Variants in GABRA3 observed in about 807,000 individuals in gnomAD.
The protein encoded by GABRA3 is gamma-aminobutyric acid receptor subunit alpha-3.
A neutral mutation model predicts 30.1 loss-of-function variants in GABRA3; 10 were observed. The observed-to-expected ratio is 0.33, with a 90% CI of 0.20 to 0.56. The LOEUF is 0.56. Among genes scored for constraint, GABRA3 ranks in the 20% least tolerant of loss-of-function variants. The pLI is 0.89. For synonymous variants in GABRA3, 151 were observed against 146.8 expected, an observed-to-expected ratio of 1.03 and a Z score of -0.21; for missense variants, 233 against 392.0, an observed-to-expected ratio of 0.59 and a Z score of 3.42.
chrX:152,206,064 G>A (rs1254307493), intron 7 of GABRA3, among the ~76,000 whole-genome samples: 2 of 112,947 alleles, frequency 1.8e-5, no homozygotes, highest in East Asian at 2.8e-4. Context: ...GTCTGATTGG[G>A]CAGCCAAGGA....
chrX:152,443,352 G>T (rs1930983052), intron 1 of GABRA3, among the ~76,000 whole-genome samples: 1 of 112,121 alleles, frequency 8.9e-6, no homozygotes, highest in Non-Finnish European at 1.9e-5. Flanking sequence ...GGCCAGCACT[G>T]TCATGGGTGT....
intron 3 of GABRA3, among the ~76,000 whole-genome samples, chrX:152,331,525 G>A (rs770607422): frequency 1.8e-5 from 2 of 111,940 alleles, no homozygotes; most frequent in Admixed American, 9.5e-5. Context: ...CCATGAAGGT[G>A]TTTGCCCAGG....
intron 3 of GABRA3, among the ~76,000 whole-genome samples, chrX:152,325,223 T>G (rs1042101120): frequency 8.9e-6 from 1 of 111,936 alleles, no homozygotes; most frequent in African/African-American, 3.2e-5. Context: ...AGACTACATA[T>G]GAAAACTGTT....
intron 5 of GABRA3, among the ~76,000 whole-genome samples, chrX:152,254,751 G>C (rs1938610628): frequency 9.0e-6 from 1 of 111,407 alleles, no homozygotes; most frequent in Non-Finnish European, 1.9e-5. Context: ...CTATTTACCA[G>C]GCATGCATTA....
At chrX:152,388,189 A>C (rs1183213729) in intron 1 of GABRA3, among the ~76,000 whole-genome samples, 1 of 111,623 alleles carries the variant, frequency 9.0e-6, no homozygotes. Context: ...TATAACCCAG[A>C]AATATAAGTT....
At chrX:152,381,091 C>T (rs1241147542) in intron 1 of GABRA3, among the ~76,000 whole-genome samples, 4 of 111,657 alleles carry the variant, frequency 3.6e-5, no homozygotes, top group Non-Finnish European at 7.5e-5. Flanking sequence ...GCCGGCTTCC[C>T]CTTTGACTTT....
chrX:152,327,250 T>C (rs1401307388), intron 3 of GABRA3, among the ~76,000 whole-genome samples: 1 of 110,669 alleles, frequency 9.0e-6, no homozygotes, highest in Non-Finnish European at 1.9e-5. Flanking sequence ...ACAATAATAA[T>C]GGGAGACTTT....
Position 152,195,448 on chromosome X carries a change from A to G in GABRA3, c.931+2185T>C, listed in dbSNP as rs1349918422. Among the ~76,000 whole-genome samples the G allele has an allele frequency of 1.1e-4, 12 of 112,056 alleles. No homozygotes were observed. In the South Asian group the frequency reaches 4.4e-3, roughly 41 times the overall value. ...ATCAAAAATTTAGTTGCCTAAAACA[A>G]TTAAATGCCTTCTTACAATTCTTGA... On this transcript the variant is annotated intron_variant, in intron 8 of 9. Coordinates refer to ENST00000370314, the MANE Select transcript of GABRA3 (RefSeq NM_000808.4).
intron 7 of GABRA3, among the ~76,000 whole-genome samples, chrX:152,205,431 G>A (rs1476868545): frequency 8.9e-6 from 1 of 111,947 alleles, no homozygotes; most frequent in Non-Finnish European, 1.9e-5. Context: ...TCTTTACAGT[G>A]TTGTTTATAG....
intron 4 of GABRA3, among the ~76,000 whole-genome samples, chrX:152,268,298 T>C (rs1027196893): frequency 1.4e-4 from 16 of 111,837 alleles, no homozygotes; most frequent in African/African-American, 5.2e-4. Flanking sequence ...AGGGACCCGG[T>C]AGAAGGTAAT....
intron 3 of GABRA3, among the ~76,000 whole-genome samples, chrX:152,323,983 T>C (rs1940012303): frequency 8.9e-6 from 1 of 112,406 alleles, no homozygotes; most frequent in Non-Finnish European, 1.9e-5. Flanking sequence ...AAACACTATG[T>C]CTTATCCAAC....
intron 5 of GABRA3, among the ~76,000 whole-genome samples, chrX:152,238,563 G>T (rs1938281375): frequency 9.3e-6 from 1 of 107,715 alleles, no homozygotes; most frequent in Non-Finnish European, 1.9e-5. Context: ...GTTTCAGAAG[G>T]AATGGTACCA....
Position 152,255,809 on chromosome X carries a change from C to A in GABRA3, c.520G>T (p.Val174Leu). The A allele has an allele frequency of 8.3e-7, 1 of 1,211,235 alleles. No homozygotes were observed. The highest frequency in any genetic ancestry group is 1.1e-6 in the Non-Finnish European group (1 of 895,177). Residue 174 changes from valine (V) to leucine (L), a missense_variant, in exon 5 of 10, where the codon GTG becomes TTG. Coordinates refer to ENST00000370314, the MANE Select transcript of GABRA3 (RefSeq NM_000808.4). ...GTATAGAGGAGGGTTCCGTTGTCCA[C>A]CAATCTGAGCAGCTTGTTGGGCGTG... ...MTTPNKLLRLVDNGTLLYTMR... is the reference protein window; with the variant it reads ...MTTPNKLLRLLDNGTLLYTMR...
intron 1 of GABRA3, among the ~76,000 whole-genome samples, chrX:152,441,919 A>G (rs189004801): frequency 8.9e-6 from 1 of 111,934 alleles, no homozygotes; most frequent in Non-Finnish European, 1.9e-5. Flanking sequence ...AGCATCAGGA[A>G]TATCTCTTAA....
At chrX:152,363,932 G>A (rs183820449) in intron 2 of GABRA3, among the ~76,000 whole-genome samples, 4 of 111,443 alleles carry the variant, frequency 3.6e-5, no homozygotes, top group Admixed American at 9.6e-5. Flanking sequence ...TAGAGTCTGG[G>A]GTTGGAAGTC....
rs147782613 is a variant in GABRA3 at position 152,268,355 on chromosome X, A to G, written c.331-12357T>C. Among the ~76,000 whole-genome samples, 993 of 111,757 alleles carry G rather than the reference A, an allele frequency of 8.9e-3. 5 individuals are homozygous for G. The highest frequency in any genetic ancestry group is 0.028 in the Middle Eastern group (6 of 218). On this transcript the variant is annotated intron_variant, in intron 4 of 9. Coordinates refer to ENST00000370314, the MANE Select transcript of GABRA3 (RefSeq NM_000808.4). The stretch of plus-strand genomic sequence containing the variant: ...TCCCATGCTGTTCTCCTGATAGTGA[A>G]TAAGTTTCATGAGATAAGATGGTTT...
chrX:152,328,603 C>T (rs1168781329), intron 3 of GABRA3, among the ~76,000 whole-genome samples: 1 of 111,788 alleles, frequency 8.9e-6, no homozygotes, highest in Non-Finnish European at 1.9e-5. Context: ...AAAAACCACA[C>T]AATTATTTCA....
chrX:152,281,354 C>G (rs1939195397), intron 4 of GABRA3, among the ~76,000 whole-genome samples: 1 of 111,160 alleles, frequency 9.0e-6, no homozygotes, highest in Non-Finnish European at 1.9e-5. Flanking sequence ...GGATAGTCTT[C>G]TTTGTTCTGT....
intron 3 of GABRA3, among the ~76,000 whole-genome samples, chrX:152,295,796 G>A (rs1026728095): frequency 8.9e-6 from 1 of 112,331 alleles, no homozygotes; most frequent in Non-Finnish European, 1.9e-5. Flanking sequence ...GCTGGGAGCT[G>A]CAGACTGGAG....
Sources: gnomAD v4.1 joint callset for allele counts (sites outside exome capture counted in the v4.1 genomes callset) on GRCh38, gnomAD v4.1.1 for gene constraint, MANE v1.5 for transcripts, NCBI Gene and HGNC (gene_info 2026-07-23, HGNC 2026-07-21) for gene names.